Variants in AGBL1 observed in about 807,000 individuals in gnomAD.
The protein encoded by AGBL1 is AGBL carboxypeptidase 1, also known as cytosolic carboxypeptidase 4.
A neutral mutation model predicts 118.9 loss-of-function variants in AGBL1; 130 were observed. The ratio of observed to expected loss-of-function variants is 1.09; its 90% CI spans 0.95 to 1.26. AGBL1 has a LOEUF of 1.26. Among genes scored for constraint, AGBL1 ranks in the 50% most tolerant of loss-of-function variants. The pLI, the probability that AGBL1 is intolerant of heterozygous loss-of-function variation, is 0.00. For synonymous variants in AGBL1, 555 were observed against 478.9 expected, an observed-to-expected ratio of 1.16 and a Z score of -2.08; for missense variants, 1,584 against 1,298.1, an observed-to-expected ratio of 1.22 and a Z score of -3.38.
intron 17 of AGBL1, among the ~76,000 whole-genome samples, chr15:86,382,765 T>C (rs2081129527): frequency 6.6e-6 from 1 of 152,108 alleles, no homozygotes; most frequent in Admixed American, 6.5e-5. Context: ...TCAGCCTTAA[T>C]TTTAAAATAT....
chr15:86,142,062 CTGTTGG>C lies in AGBL1; in HGVS notation c.113_115+3del, dbSNP rs1371197163. ...CTCAAGGTCCTCGGAGATCTGCTTT[CTGTTGG>C]TGAGTAGGCCATGCTCTCATGCTTT... On this transcript the variant is annotated splice_donor_variant and coding_sequence_variant, in exon 2 of 23. Transcript: ENST00000614907. LOFTEE classifies it high-confidence loss of function. 1.3e-6 allele frequency: 2 copies of C among 1,550,068 alleles called. No homozygotes were observed. The highest frequency in any genetic ancestry group is 2.7e-5 in the African/African-American group (2 of 73,040).
At chr15:86,200,732 T>G (rs1335846246) in intron 5 of AGBL1, among the ~76,000 whole-genome samples, 1 of 151,946 alleles carries the variant, frequency 6.6e-6, no homozygotes, top group African/African-American at 2.4e-5. Flanking sequence ...TTCTCCTGCT[T>G]CAGCCGCCTG....
intron 21 of AGBL1, among the ~76,000 whole-genome samples, chr15:86,663,539 A>G (rs1044554566): frequency 1.3e-5 from 2 of 152,098 alleles, no homozygotes; most frequent in Non-Finnish European, 2.9e-5. Flanking sequence ...AGATGAGTGC[A>G]GGAAACAGTG....
At chr15:86,918,165 A>G (rs1326099240), downstream of AGBL1, among the ~76,000 whole-genome samples, 2 of 152,242 alleles carry the variant, frequency 1.3e-5, no homozygotes, top group Non-Finnish European at 2.9e-5. Context: ...TAATCAACTT[A>G]CCATAAACAT....
At chr15:86,898,251 G>C (rs1440940895) in intron 22 of AGBL1, among the ~76,000 whole-genome samples, 1 of 152,100 alleles carries the variant, frequency 6.6e-6, no homozygotes, top group African/African-American at 2.4e-5. Context: ...ACTGTGTTTG[G>C]TGTCTTTGTC....
chr15:86,896,569 G>C (rs942300627), intron 22 of AGBL1, among the ~76,000 whole-genome samples: 1 of 151,860 alleles, frequency 6.6e-6, no homozygotes, highest in Non-Finnish European at 1.5e-5. Flanking sequence ...CTGGTAGTTA[G>C]GTTTTCTAAC....
chr15:86,988,206 C>G, intron 24 of AGBL1: 2 of 1,264,076 alleles, frequency 1.6e-6, no homozygotes, highest in Non-Finnish European at 2.2e-6. Context: ...GGGCCAACAA[C>G]AAAAAAACAA....
chr15:86,400,421 T>C (rs1368122370), intron 18 of AGBL1, among the ~76,000 whole-genome samples: 1 of 152,080 alleles, frequency 6.6e-6, no homozygotes, highest in Admixed American at 6.6e-5. Context: ...TTCTTATTAA[T>C]AGGCTCCTTT....
chr15:86,890,385 C>T (rs1177101734), intron 22 of AGBL1, among the ~76,000 whole-genome samples: 1 of 152,114 alleles, frequency 6.6e-6, no homozygotes. Context: ...CATGCAGAAG[C>T]TCATTAGTTT....
chr15:86,304,650 T>C (rs1159714834), intron 17 of AGBL1, among the ~76,000 whole-genome samples: 1 of 152,114 alleles, frequency 6.6e-6, no homozygotes, highest in Non-Finnish European at 1.5e-5. Flanking sequence ...ACCTTTAACC[T>C]CTCTTGGAAA....
intron 13 of AGBL1, 110 bp downstream of exon 13, chr15:86,267,186 A>T: frequency 1.2e-6 from 1 of 820,146 alleles, no homozygotes; most frequent in Admixed American, 2.3e-5. Flanking sequence ...GCTTGAAATC[A>T]GCCATGGTGG....
intron 23 of AGBL1, among the ~76,000 whole-genome samples, chr15:86,958,817 T>C (rs1452905210): frequency 6.6e-6 from 1 of 152,156 alleles, no homozygotes; most frequent in African/African-American, 2.4e-5. Context: ...AAATAAACTT[T>C]ATGTTTAATT....
At position 86,519,559 on chromosome 15, in the gene AGBL1, C is replaced by T. The variant is rs374724990; in HGVS notation, c.2556-3251C>T. Among the ~76,000 whole-genome samples the T allele has an allele frequency of 5.3e-5, 8 of 152,302 alleles. No homozygotes were observed. The East Asian group carries it at 1.4e-3, about 26-fold the overall frequency. ...CAGAGATCAGAAGCAAATGGATTCA[C>T]TTTAAAAGGAAAAGCACTCAAGTTA... On this transcript the variant is annotated intron_variant, in intron 18 of 22. Transcript: ENST00000614907.
chr15:87,004,086 T>G (rs533319021), intron 24 of AGBL1, among the ~76,000 whole-genome samples: 1 of 152,346 alleles, frequency 6.6e-6, no homozygotes, highest in South Asian at 2.1e-4. Flanking sequence ...CTTTCCTGCT[T>G]TCTCTTGTGG....
downstream of AGBL1, among the ~76,000 whole-genome samples, chr15:86,917,474 C>G (rs2080437941): frequency 6.6e-6 from 1 of 152,178 alleles, no homozygotes; most frequent in South Asian, 2.1e-4. The surrounding 1 kb of genome is among the most constrained non-coding windows in gnomAD (Gnocchi z 4.8). Context: ...CTCATTATTA[C>G]TGAGCACACT....
At chr15:86,950,115 A>G (rs911769588) in intron 23 of AGBL1, among the ~76,000 whole-genome samples, 5 of 152,048 alleles carry the variant, frequency 3.3e-5, no homozygotes, top group African/African-American at 1.2e-4. Flanking sequence ...CCCTATCAAA[A>G]TATATCTGTT....
chr15:86,743,491 G>C (rs2077709823), intron 22 of AGBL1, among the ~76,000 whole-genome samples: 1 of 152,164 alleles, frequency 6.6e-6, no homozygotes, highest in Admixed American at 6.6e-5. Flanking sequence ...GTCCCCTGGT[G>C]TCGGGTTGTG....
At chr15:86,168,561 G>A (rs931142016) in intron 5 of AGBL1, among the ~76,000 whole-genome samples, 2 of 152,070 alleles carry the variant, frequency 1.3e-5, no homozygotes, top group African/African-American at 4.8e-5. Context: ...ATTATAACCT[G>A]AAAAAGCTCA....
intron 19 of AGBL1, among the ~76,000 whole-genome samples, chr15:86,537,985 G>A (rs16977781): frequency 0.11 from 17,120 of 152,160 alleles, 1,035 homozygotes; most frequent in East Asian, 0.17. Context: ...TGATTTACAG[G>A]CGCTCTTTCA....
Sources: allele counts gnomAD v4.1 joint callset (sites outside exome capture counted in the v4.1 genomes callset), GRCh38; gene constraint gnomAD v4.1.1; non-coding constraint Gnocchi (gnomAD v3.1); transcripts MANE v1.5; gene names NCBI Gene and HGNC (gene_info 2026-07-23, HGNC 2026-07-21).